Variants in TAFA4 observed in about 807,000 individuals in gnomAD.
TAFA4 encodes TAFA chemokine like family member 4.
Under a neutral mutation model 21.1 loss-of-function variants are expected in TAFA4, and 20 were observed. The ratio of observed to expected loss-of-function variants is 0.95; its 90% CI spans 0.67 to 1.38. The LOEUF is 1.38. TAFA4 is among the 40% of genes most tolerant of loss of function. The probability of loss-of-function intolerance (pLI) is 0.00; values close to 1 mark genes in which losing one functional copy is unlikely to be tolerated. For missense variants in TAFA4, 211 were observed against 180.9 expected, an observed-to-expected ratio of 1.17 and a Z score of -0.95; for synonymous variants, 71 against 67.4, an observed-to-expected ratio of 1.05 and a Z score of -0.26.
intron 3 of TAFA4, among the ~76,000 whole-genome samples, chr3:68,880,446 C>G (rs2089603120): frequency 6.6e-6 from 1 of 152,068 alleles, no homozygotes; most frequent in Non-Finnish European, 1.5e-5. Context: ...ACACGCCAAC[C>G]ACACAAATTG....
At chr3:68,876,772 T>C (rs2089554158) in intron 3 of TAFA4, among the ~76,000 whole-genome samples, 1 of 152,056 alleles carries the variant, frequency 6.6e-6, no homozygotes, top group South Asian at 2.1e-4. Flanking sequence ...TTCCATAAAT[T>C]TGAACAGTAC....
chr3:68,747,903 C>T (rs907996482), intron 4 of TAFA4, among the ~76,000 whole-genome samples: 3 of 152,152 alleles, frequency 2.0e-5, no homozygotes, highest in Admixed American at 6.5e-5. Context: ...TTTACCTTTC[C>T]AAGCCAGACC....
At chr3:68,880,964 C>T (rs2089611658) in intron 2 of TAFA4, 119 bp from the exon 3 acceptor site, 1 of 703,984 alleles carries the variant, frequency 1.4e-6, no homozygotes, top group Non-Finnish European at 2.4e-6. Flanking sequence ...GAATTCCTTT[C>T]TCCCAAGAAA....
chr3:68,792,952 T>C (rs376929335), intron 3 of TAFA4, among the ~76,000 whole-genome samples: 2 of 152,162 alleles, frequency 1.3e-5, no homozygotes, highest in Admixed American at 1.3e-4. Context: ...TAAAAAGCCT[T>C]CTTATTCTCT....
chr3:68,847,811 T>A (rs1452552551), intron 3 of TAFA4, among the ~76,000 whole-genome samples: 6 of 152,220 alleles, frequency 3.9e-5, no homozygotes, highest in Admixed American at 3.9e-4. Flanking sequence ...TGGAAATTTC[T>A]CAGGTGTATA....
At chr3:68,766,352 G>A (rs1046754150) in intron 3 of TAFA4, among the ~76,000 whole-genome samples, 2 of 151,830 alleles carry the variant, frequency 1.3e-5, no homozygotes, top group South Asian at 2.1e-4. Context: ...TAAGGTCATC[G>A]TCAAATACTC....
At chr3:68,896,211 C>A (rs1214050728) in intron 1 of TAFA4, among the ~76,000 whole-genome samples, 3 of 152,092 alleles carry the variant, frequency 2.0e-5, no homozygotes, top group African/African-American at 7.2e-5. Context: ...CCATAGTGTG[C>A]TGTTAGAATT....
intron 3 of TAFA4, among the ~76,000 whole-genome samples, chr3:68,851,258 A>G (rs1006012018): frequency 3.9e-5 from 6 of 152,118 alleles, no homozygotes; most frequent in African/African-American, 1.4e-4. Flanking sequence ...AACCAAACAC[A>G]TGTTCTCACT....
At chr3:68,854,758 A>G (rs147477204) in intron 3 of TAFA4, among the ~76,000 whole-genome samples, 105 of 152,010 alleles carry the variant, frequency 6.9e-4, no homozygotes, top group Non-Finnish European at 8.2e-4. Flanking sequence ...TTCTTTACCT[A>G]ACCAATTTGC....
At chr3:68,759,159 TTC>T (rs1702714533) in intron 3 of TAFA4, among the ~76,000 whole-genome samples, 1 of 152,226 alleles carries the variant, frequency 6.6e-6, no homozygotes. Flanking sequence ...GCAGGAAGAA[TTC>T]TCTCTTACTC....
intron 1 of TAFA4, among the ~76,000 whole-genome samples, chr3:68,899,878 G>A (rs1203020111): frequency 1.3e-5 from 2 of 152,064 alleles, no homozygotes; most frequent in Non-Finnish European, 2.9e-5. Flanking sequence ...ATAATATGCA[G>A]TGTAACATAA....
At chr3:68,896,786 C>T (rs1010791233) in intron 1 of TAFA4, among the ~76,000 whole-genome samples, 1 of 152,204 alleles carries the variant, frequency 6.6e-6, no homozygotes, top group Non-Finnish European at 1.5e-5. Context: ...TCAGACACTC[C>T]ATGTGGGAGC....
intron 1 of TAFA4, among the ~76,000 whole-genome samples, chr3:68,901,449 T>C (rs1378210318): frequency 6.6e-6 from 1 of 152,082 alleles, no homozygotes; most frequent in Non-Finnish European, 1.5e-5. Context: ...CAAAGCTAAT[T>C]AGTTGTAGAG....
At chr3:68,799,984 G>C (rs1703539588) in intron 3 of TAFA4, among the ~76,000 whole-genome samples, 1 of 152,062 alleles carries the variant, frequency 6.6e-6, no homozygotes, top group South Asian at 2.1e-4. Flanking sequence ...GGGGGATCTA[G>C]GTTGCCGCTC....
At chr3:68,890,909 A>C (rs1020044513) in intron 1 of TAFA4, among the ~76,000 whole-genome samples, 1 of 152,250 alleles carries the variant, frequency 6.6e-6, no homozygotes, top group Non-Finnish European at 1.5e-5. Flanking sequence ...GATGGTTTAC[A>C]TTAATGCCTA....
intron 3 of TAFA4, among the ~76,000 whole-genome samples, chr3:68,818,757 G>C (rs1414995700): frequency 1.4e-4 from 22 of 152,120 alleles, no homozygotes; most frequent in Admixed American, 1.4e-3. Context: ...TCTTACCTGG[G>C]CACAGTGCAT....
intron 4 of TAFA4, among the ~76,000 whole-genome samples, chr3:68,747,280 G>T (rs556016307): frequency 1.3e-5 from 2 of 151,860 alleles, no homozygotes; most frequent in Non-Finnish European, 2.9e-5. Flanking sequence ...ACACTGATAC[G>T]GTTTGGCTCT....
At position 68,812,751 on chromosome 3, in the gene TAFA4, C is replaced by T. The variant is rs1254819059; in HGVS notation, c.131-59733G>A. On this transcript the variant is annotated intron_variant, in intron 3 of 5. Coordinates refer to ENST00000295569, the MANE Select transcript of TAFA4 (RefSeq NM_182522.5). ...GGAGACTTTAACACCCGGCTGTCAACATTAGACAGATCAACAAGACCGAAA... is the reference window on the plus strand; with the variant it reads ...GGAGACTTTAACACCCGGCTGTCAATATTAGACAGATCAACAAGACCGAAA... 2.0e-5 allele frequency among the ~76,000 whole-genome samples: 3 copies of T among 152,036 alleles called. No individual in the cohort carries two copies. The South Asian group carries it at 6.2e-4, about 32-fold the overall frequency.
At chr3:68,788,064 T>A (rs1023046936) in intron 3 of TAFA4, among the ~76,000 whole-genome samples, 1 of 152,248 alleles carries the variant, frequency 6.6e-6, no homozygotes, top group Non-Finnish European at 1.5e-5. Flanking sequence ...ATTTGAGGGT[T>A]TTGATCCATT....
Sources: gnomAD v4.1 joint callset for allele counts (sites outside exome capture counted in the v4.1 genomes callset) on GRCh38, gnomAD v4.1.1 for gene constraint, MANE v1.5 for transcripts, NCBI Gene and HGNC (gene_info 2026-07-23, HGNC 2026-07-21) for gene names.